The following CKAP2L variants were observed in gnomAD, a reference collection of about 807,000 sequenced individuals.
CKAP2L encodes cytoskeleton-associated protein 2-like.
Under a neutral mutation model 65.7 loss-of-function variants are expected in CKAP2L, and 42 were observed. The ratio of observed to expected loss-of-function variants is 0.64; its 90% CI spans 0.50 to 0.83. The LOEUF (loss-of-function observed/expected upper bound fraction) is 0.83, where lower values mean the gene tolerates loss of function less well. Ranked by LOEUF, CKAP2L falls within the 40% of genes least tolerant of loss-of-function variation. The pLI is 0.00. For missense variants in CKAP2L, 908 were observed against 871.0 expected (o/e 1.04, Z -0.53); for synonymous variants, 325 against 313.5 (o/e 1.04, Z -0.39).
At position 112,756,271 on chromosome 2, in the gene CKAP2L, CAT is replaced by C; in HGVS notation, c.1098_1099del (p.Val368ThrfsTer12). Reference sequence around the variant, plus strand: ...TATGGCTTTTGACTTTTGCAGTACACATGATGTCTGAGGTATACAAACTTGGC... The same window carrying C: ...TATGGCTTTTGACTTTTGCAGTACACGATGTCTGAGGTATACAAACTTGGC... On this transcript the variant is annotated frameshift_variant, in exon 4 of 9. Transcript: ENST00000302450. LOFTEE classifies it high-confidence loss of function. 2 of 1,614,112 alleles carry C rather than the reference CAT, an allele frequency of 1.2e-6. No individual in the cohort carries two copies. The highest frequency in any genetic ancestry group is 1.7e-6 in the Non-Finnish European group (2 of 1,180,010).
At chr2:112,749,241 A>G (rs1486539959) in intron 5 of CKAP2L, among the ~76,000 whole-genome samples, 1 of 146,356 alleles carries the variant, frequency 6.8e-6, no homozygotes, top group Non-Finnish European at 1.5e-5. Context: ...CAGAGCTACC[A>G]GACATATTCT....
intron 4 of CKAP2L, among the ~76,000 whole-genome samples, chr2:112,755,766 G>A (rs185020108): frequency 1.5e-4 from 22 of 151,454 alleles, no homozygotes; most frequent in Admixed American, 1.2e-3. Flanking sequence ...GTAAACATAC[G>A]ATTACAGAAA....
chr2:112,740,898 T>C lies in CKAP2L; in HGVS notation c.1932A>G (p.Gln644=), dbSNP rs1168059352. Residue 644 remains glutamine (Q), a synonymous_variant, in exon 8 of 9, where the codon CAA becomes CAG. Transcript: ENST00000302450. ...TGGCTATTCGGGGTGTCGCCGTGAC[T>C]TGTTCCCTCTCTTTTGGAGAAAGAC... The part of the protein sequence containing the change: ...KSCLSPKERE[Q]VTATPRIAKA... The C allele has an allele frequency of 6.2e-7, 1 of 1,614,146 alleles. No individual in the cohort carries two copies. Among genetic ancestry groups the C allele is most frequent in the African/African-American group, 1.3e-5 (1 of 75,052 alleles).
chr2:112,755,359 C>T (rs1221715751), intron 4 of CKAP2L, among the ~76,000 whole-genome samples: 4 of 152,136 alleles, frequency 2.6e-5, no homozygotes, highest in African/African-American at 9.7e-5. Context: ...AGGCTGGTCT[C>T]GAACTCCCGA....
At chr2:112,741,588 A>G (rs2104857382) in intron 7 of CKAP2L, among the ~76,000 whole-genome samples, 1 of 152,364 alleles carries the variant, frequency 6.6e-6, no homozygotes, top group African/African-American at 2.4e-5. Flanking sequence ...AGGGTGCAAC[A>G]AAGGCATGGA....
chr2:112,756,144 A>G lies in CKAP2L; in HGVS notation c.1227T>C (p.Asn409=), dbSNP rs181016659. Residue 409 remains asparagine, a synonymous_variant, in exon 4 of 9, where the codon AAT becomes AAC. Transcript: ENST00000302450. ...NGTSGNKHNN[N]GFQQKAQTLD... ...AAGTCTGTGCTTTTTGCTGAAAGCC[A>G]TTATTGTTATGTTTATTACCACTGG... The G allele has an allele frequency of 4.3e-6, 7 of 1,613,982 alleles. No individual in the cohort carries two copies. The African/African-American group carries it at 9.3e-5, about 22-fold the overall frequency.
At chr2:112,748,225 G>T (rs1048104699) in intron 5 of CKAP2L, among the ~76,000 whole-genome samples, 1 of 152,054 alleles carries the variant, frequency 6.6e-6, no homozygotes, top group African/African-American at 2.4e-5. Flanking sequence ...GGATGAATGG[G>T]AGAAAAAAAT....
intron 5 of CKAP2L, among the ~76,000 whole-genome samples, chr2:112,748,065 A>C (rs1680257364): frequency 1.3e-5 from 2 of 152,242 alleles, no homozygotes; most frequent in South Asian, 2.1e-4. Flanking sequence ...TCTGAAGGAT[A>C]TATCCATTAC....
chr2:112,742,690 T>G lies in CKAP2L; in HGVS notation c.1822+16A>C, dbSNP rs1253266561. 6.6e-7 allele frequency: 1 copy of G among 1,522,658 alleles called. No homozygotes were observed. Among genetic ancestry groups the G allele is most frequent in the African/African-American group, 1.4e-5 (1 of 72,154 alleles). The allele number at this position is 1,522,658 out of a possible 1,614,324, so 94.3% of individuals were successfully genotyped here. Reference sequence around the variant, plus strand: ...ACAGCTAGAGAAGATGAATTTAAATTCAAAAATAATAGTACCTTCTGTGGT... The same window carrying G: ...ACAGCTAGAGAAGATGAATTTAAATGCAAAAATAATAGTACCTTCTGTGGT... On this transcript the variant is annotated intron_variant, in intron 7 of 8. Transcript: ENST00000302450.
At chr2:112,757,334 A>T (rs1680573467) in intron 3 of CKAP2L, 120 bp from the exon 4 acceptor site, 1 of 723,730 alleles carries the variant, frequency 1.4e-6, no homozygotes, top group Admixed American at 3.3e-5. Flanking sequence ...TCATCTAAGA[A>T]AGTTGAATCC....
rs1680542419 is a variant in CKAP2L at position 112,756,501 on chromosome 2, C to T, written c.870G>A (p.Gln290=). Residue 290 remains glutamine (Q), a synonymous_variant, in exon 4 of 9, where the codon CAG becomes CAA. Coordinates refer to ENST00000302450, the MANE Select transcript of CKAP2L (RefSeq NM_152515.5). ...TCTTGACTACTGGTTTCTTTGATGA[C>T]TGAACTTTACTAAGGGTCCGAATAA... ...SHFIRTLSKV[Q]SSKKPVVKNI... 5 of 1,608,638 alleles carry T rather than the reference C, an allele frequency of 3.1e-6. No homozygotes were observed. Among genetic ancestry groups the T allele is most frequent in the Middle Eastern group, 1.7e-4 (1 of 6,018 alleles).
At chr2:112,747,146 AG>A (rs988230629) in intron 5 of CKAP2L, among the ~76,000 whole-genome samples, 4 of 151,170 alleles carry the variant, frequency 2.6e-5, no homozygotes, top group African/African-American at 9.8e-5. Flanking sequence ...GCTGGAGTGC[AG>A]TGGTACGATC....
chr2:112,740,852 G>T lies in CKAP2L; in HGVS notation c.1978C>A (p.Pro660Thr). Residue 660 changes from proline to threonine, a missense_variant, in exon 8 of 9, where the codon CCT (proline) becomes ACT (threonine). Transcript: ENST00000302450. The stretch of plus-strand genomic sequence containing the variant: ...GGACCAATCTGTAATTTGATACCAG[G>T]ATAATTATGCTGTTCTGCCTTGGCT... Reference protein sequence around the residue: ...RIAKAEQHNYPGIKLQIGPIP... With the variant: ...RIAKAEQHNYTGIKLQIGPIP... 2 of 1,612,900 alleles carry T rather than the reference G, an allele frequency of 1.2e-6. No individual in the cohort carries two copies. The highest frequency in any genetic ancestry group is 1.7e-6 in the Non-Finnish European group (2 of 1,179,052).
At chr2:112,754,445 T>G (rs1290935434) in intron 4 of CKAP2L, among the ~76,000 whole-genome samples, 7 of 152,220 alleles carry the variant, frequency 4.6e-5, no homozygotes, top group Admixed American at 4.6e-4. Context: ...GTTCCTAGCA[T>G]TTTCCCTATC....
At position 112,756,446 on chromosome 2, in the gene CKAP2L, G is replaced by T. The variant is rs1408516405; in HGVS notation, c.925C>A (p.Gln309Lys). ...TTAGTTTCATTTGGTCTTTCATATT[G>T]ACTCCTATTAACCTTTATATCTTTG... The part of the protein sequence containing the change: ...NIKDIKVNRS[Q>K]YERPNETKIR... Residue 309 changes from glutamine (Q) to lysine (K), a missense_variant, in exon 4 of 9, where the codon CAA becomes AAA. Gln to Lys is a moderately conservative substitution (Grantham distance 53). Transcript: ENST00000302450. The T allele has an allele frequency of 6.2e-6, 10 of 1,613,546 alleles. No individual in the cohort carries two copies. In the East Asian group the frequency reaches 2.2e-4, roughly 36 times the overall value.
chr2:112,760,775 C>G lies in CKAP2L; in HGVS notation c.105-11G>C, dbSNP rs766275387. ...GATTTTAGATAAGGCCTATAAAAGA[C>G]AAATTAAAATTAATCCTCAGCACAG... On this transcript the variant is annotated splice_polypyrimidine_tract_variant and intron_variant, in intron 2 of 8. Transcript: ENST00000302450. 7.0e-7 allele frequency: 1 copy of G among 1,432,028 alleles called. No homozygotes were observed. The highest frequency in any genetic ancestry group is 1.2e-5 in the South Asian group (1 of 82,468). The allele number at this position is 1,432,028 out of a possible 1,614,324, so 88.7% of individuals were successfully genotyped here. A position where few individuals can be genotyped will look rare whatever the true frequency, so the allele number is the denominator to read the frequency against.
At chr2:112,762,330 A>G (rs1223235493) in intron 2 of CKAP2L, among the ~76,000 whole-genome samples, 173 bp downstream of exon 2, 1 of 152,248 alleles carries the variant, frequency 6.6e-6, no homozygotes, top group Admixed American at 6.5e-5. Flanking sequence ...TGGACTAAGC[A>G]CTGCCCAGGG....
chr2:112,746,374 A>G (rs1285793752), intron 6 of CKAP2L, 46 bp downstream of exon 6: 1 of 1,515,822 alleles, frequency 6.6e-7, no homozygotes, highest in Non-Finnish European at 9.0e-7. Context: ...GAGAACTCAC[A>G]TGAAAGAGAA....
chr2:112,762,560 T>C lies in CKAP2L; in HGVS notation c.47A>G (p.Gln16Arg). ...TGCAAGGTACTCCTGAAGCTTTCTC[T>C]GCCGCTCTTCTGCAACACAGGCAAG... ...PTAAAAVEER[Q>R]RKLQEYLAAK... Residue 16 changes from glutamine to arginine, a missense_variant, in exon 2 of 9, where the codon CAG becomes CGG. Physicochemically the swap from Gln to Arg is conservative, Grantham distance 43. Transcript: ENST00000302450. 1.1e-5 allele frequency: 18 copies of C among 1,613,766 alleles called. No homozygotes were observed. Among genetic ancestry groups the C allele is most frequent in the Non-Finnish European group, 1.4e-5 (17 of 1,179,636 alleles).
Sources: gnomAD v4.1 joint callset for allele counts (sites outside exome capture counted in the v4.1 genomes callset) on GRCh38, gnomAD v4.1.1 for gene constraint, MANE v1.5 for transcripts, NCBI Gene and HGNC (gene_info 2026-07-23, HGNC 2026-07-21) for gene names.